TSNARE1: variants seen among roughly 807,000 people sequenced by gnomAD.
TSNARE1 encodes the protein t-SNARE domain-containing protein 1.
Under a neutral mutation model 62.0 loss-of-function variants are expected in TSNARE1, and 49 were observed. That is an observed-to-expected ratio of 0.79 (90% confidence interval 0.63 to 1.00). TSNARE1 has a LOEUF of 1.00. Ranked by LOEUF, TSNARE1 falls within the 50% of genes least tolerant of loss-of-function variation. The pLI, the probability that TSNARE1 is intolerant of heterozygous loss-of-function variation, is 0.00. For missense variants in TSNARE1, 755 were observed against 700.1 expected, an observed-to-expected ratio of 1.08 and a Z score of -0.88; for synonymous variants, 328 against 294.4, an observed-to-expected ratio of 1.11 and a Z score of -1.17.
rs112747343 is a variant in TSNARE1 at position 142,373,772 on chromosome 8, C to T, written c.-39-19009G>A. On this transcript the variant is annotated intron_variant, in intron 1 of 13. Transcript: ENST00000524325. Reference sequence around the variant, plus strand: ...CCTAGACCTCCGGGATCCAAGAAGACAGCCTTACCCACTCCAGGCAGAGGC... The same window carrying T: ...CCTAGACCTCCGGGATCCAAGAAGATAGCCTTACCCACTCCAGGCAGAGGC... Among the ~76,000 whole-genome samples, 18 of 152,196 alleles carry T rather than the reference C, an allele frequency of 1.2e-4. 1 individual carries two copies. The highest frequency in any genetic ancestry group is 3.9e-4 in the African/African-American group (16 of 41,514).
intron 12 of TSNARE1, among the ~76,000 whole-genome samples, chr8:142,241,268 C>T (rs968385735): frequency 8.6e-5 from 13 of 151,980 alleles, no homozygotes; most frequent in Non-Finnish European, 1.8e-4. Flanking sequence ...ACCCCATTTA[C>T]AATAGTATAA....
At chr8:142,402,049 T>TA (rs1025066851) in intron 1 of TSNARE1, among the ~76,000 whole-genome samples, 3 of 151,846 alleles carry the variant, frequency 2.0e-5, no homozygotes, top group African/African-American at 2.4e-5. Context: ...AGAAATACTG[T>TA]AGGGAGAGCG....
chr8:142,342,350 G>A (rs939964145), intron 4 of TSNARE1, among the ~76,000 whole-genome samples: 2 of 152,252 alleles, frequency 1.3e-5, no homozygotes, highest in Non-Finnish European at 2.9e-5. Context: ...GGGAGCACTT[G>A]CTCAGATCCT....
intron 10 of TSNARE1, among the ~76,000 whole-genome samples, chr8:142,297,404 C>G (rs996067670): frequency 6.6e-6 from 1 of 152,250 alleles, no homozygotes; most frequent in Non-Finnish European, 1.5e-5. Context: ...TCAGCTGGCC[C>G]GTGTGTTCAC....
intron 13 of TSNARE1, among the ~76,000 whole-genome samples, chr8:142,220,585 G>T (rs1467095504): frequency 6.6e-6 from 1 of 152,216 alleles, no homozygotes; most frequent in Non-Finnish European, 1.5e-5. Flanking sequence ...CTGGAACCAG[G>T]GAACCAGGCC....
intron 9 of TSNARE1, 63 bp from the exon 10 acceptor site, chr8:142,300,707 C>A (rs1825589786): frequency 1.3e-6 from 2 of 1,546,184 alleles, no homozygotes; most frequent in African/African-American, 2.7e-5. Flanking sequence ...AACCCAGGCC[C>A]AGAAATTCAA....
chr8:142,273,831 A>T, intron 12 of TSNARE1: 1 of 985,304 alleles, frequency 1.0e-6, no homozygotes, highest in Non-Finnish European at 1.2e-6. Context: ...CCCTGAGGCA[A>T]CTGAGGACCC....
intron 12 of TSNARE1, among the ~76,000 whole-genome samples, chr8:142,259,966 T>C (rs894581305): frequency 1.3e-5 from 2 of 151,898 alleles, no homozygotes; most frequent in Non-Finnish European, 2.9e-5. Context: ...CTTCCCAAAC[T>C]GGCCCCACCC....
intron 12 of TSNARE1, chr8:142,273,491 C>T (rs778772931): frequency 2.4e-4 from 232 of 985,422 alleles, no homozygotes; most frequent in Non-Finnish European, 2.7e-4. Context: ...GAGCTGGCGC[C>T]AGGAGACCCA....
At chr8:142,284,316 GC>G (rs1262209074) in intron 11 of TSNARE1, 96 bp downstream of exon 11, 1 of 947,228 alleles carries the variant, frequency 1.1e-6, no homozygotes, top group African/African-American at 1.6e-5. Flanking sequence ...CCTCTTAGAG[GC>G]CCCTTCACCC....
At chr8:142,296,284 G>GGTCATGGGGGAGGGGGTGGTCACT (rs1824711287) in intron 10 of TSNARE1, among the ~76,000 whole-genome samples, 1 of 50,852 alleles carries the variant, frequency 2.0e-5, no homozygotes, top group African/African-American at 9.2e-5. Flanking sequence ...GGGCAGTGAT[G>GGTCATGGGGGAGGGGGTGGTCACT]GTCATGGGGG....
chr8:142,246,433 G>A (rs117452340), intron 12 of TSNARE1, among the ~76,000 whole-genome samples: 1,536 of 152,036 alleles, frequency 0.01, 11 homozygotes, highest in Non-Finnish European at 0.012. Flanking sequence ...GAGGAGTCAG[G>A]AGCCAGCCTC....
At chr8:142,222,343 TCCAC>T (rs746668918) in intron 13 of TSNARE1, among the ~76,000 whole-genome samples, 4,026 of 19,192 alleles carry the variant, frequency 0.21, 1,664 homozygotes, top group Non-Finnish European at 0.27. Context: ...CGCTCACTCA[TCCAC>T]TCACTCACTC....
chr8:142,405,345 C>T (rs978784174), upstream of TSNARE1: 2 of 152,232 alleles, frequency 1.3e-5, no homozygotes, highest in African/African-American at 4.8e-5. Context: ...AAGCAGGACT[C>T]CCTGGGAAGA....
chr8:142,323,966 G>A (rs1043402639), intron 6 of TSNARE1, among the ~76,000 whole-genome samples: 1 of 152,208 alleles, frequency 6.6e-6, no homozygotes, highest in Non-Finnish European at 1.5e-5. Flanking sequence ...CGAGGCCCAT[G>A]TCAGTGAACC....
intron 1 of TSNARE1, among the ~76,000 whole-genome samples, chr8:142,379,458 G>A (rs1836577510): frequency 6.6e-6 from 1 of 152,260 alleles, no homozygotes; most frequent in Non-Finnish European, 1.5e-5. Flanking sequence ...GGAAAAGGGA[G>A]AGTGGTTTCA....
At chr8:142,274,107 C>G in intron 12 of TSNARE1, 1 of 985,416 alleles carries the variant, frequency 1.0e-6, no homozygotes, top group Non-Finnish European at 1.2e-6. Flanking sequence ...GCCTGCCTGG[C>G]CCCTGGGACT....
chr8:142,275,757 C>T (rs899891048), intron 11 of TSNARE1: 101 of 985,318 alleles, frequency 1.0e-4, no homozygotes, highest in Non-Finnish European at 1.2e-4. Flanking sequence ...CAGTGCCTAC[C>T]AGGGCACAGA....
chr8:142,285,149 A>G (rs543246029), intron 10 of TSNARE1, among the ~76,000 whole-genome samples: 53 of 149,928 alleles, frequency 3.5e-4, no homozygotes, highest in Middle Eastern at 3.7e-3. Flanking sequence ...GGGTGGGTGG[A>G]TGGATGAATA....
Sources: allele counts gnomAD v4.1 joint callset (sites outside exome capture counted in the v4.1 genomes callset), GRCh38; gene constraint gnomAD v4.1.1; transcripts MANE v1.5; gene names NCBI Gene and HGNC (gene_info 2026-07-23, HGNC 2026-07-21).